Variants in UPRT observed in about 807,000 individuals in gnomAD.
UPRT encodes the protein uracil phosphoribosyltransferase homolog.
Under a neutral mutation model 22.6 loss-of-function variants are expected in UPRT, and 5 were observed. That is an observed-to-expected ratio of 0.22 (90% CI 0.12 to 0.47). UPRT has a LOEUF of 0.47. UPRT is among the 20% of genes least tolerant of loss of function. The pLI is 0.99. For missense variants in UPRT, 181 were observed against 239.9 expected (o/e 0.75, Z 1.62); for synonymous variants, 77 against 87.7 (o/e 0.88, Z 0.68).
chrX:75,255,061 C>T (rs1169513333), intron 4 of UPRT, among the ~76,000 whole-genome samples: 1 of 110,654 alleles, frequency 9.0e-6, no homozygotes, highest in African/African-American at 3.3e-5. Flanking sequence ...AGGCGTGAGC[C>T]ACCGCGCCCG....
intron 4 of UPRT, among the ~76,000 whole-genome samples, chrX:75,244,308 A>G (rs1417928346): frequency 8.9e-6 from 1 of 112,000 alleles, no homozygotes; most frequent in Non-Finnish European, 1.9e-5. Context: ...GTATGGAAAA[A>G]TAATTTTAAG....
chrX:75,301,051 A>T (rs2082742633), intron 6 of UPRT, 86 bp downstream of exon 6: 2 of 613,202 alleles, frequency 3.3e-6, no homozygotes, highest in Admixed American at 7.0e-5. Context: ...ATCCTGAGGA[A>T]AAGTTTATCT....
chrX:75,199,951 G>A (rs929156659), intron 4 of UPRT, among the ~76,000 whole-genome samples: 5 of 111,613 alleles, frequency 4.5e-5, no homozygotes, highest in African/African-American at 1.6e-4. Flanking sequence ...TTAGCTTTTT[G>A]TCATGTTTGT....
chrX:75,190,871 C>A (rs1224513721), intron 4 of UPRT, among the ~76,000 whole-genome samples: 3 of 110,731 alleles, frequency 2.7e-5, no homozygotes, highest in African/African-American at 9.9e-5. Flanking sequence ...TTCTAGTTAT[C>A]CATTTGTCTA....
At position 75,303,393 on chromosome X, in the gene UPRT, G is replaced by T; in HGVS notation, c.824-12G>T. ...AAAACATCCTACCATAATAACTTTT[G>T]TTTTTTTGAAGGTGCCAAATCAATC... On this transcript the variant is annotated splice_polypyrimidine_tract_variant and intron_variant, in intron 6 of 6. Transcript: ENST00000373383. The T allele has an allele frequency of 8.4e-7, 1 of 1,185,375 alleles. No homozygotes were observed. The highest frequency in any genetic ancestry group is 1.1e-6 in the Non-Finnish European group (1 of 878,101).
chrX:75,163,913 C>T (rs1310024492), intron 3 of UPRT, among the ~76,000 whole-genome samples: 1 of 111,260 alleles, frequency 9.0e-6, no homozygotes, highest in Admixed American at 9.6e-5. Context: ...TGCAGTGGTT[C>T]AATCCTGTAA....
intron 4 of UPRT, among the ~76,000 whole-genome samples, chrX:75,260,478 A>T (rs183426081): frequency 8.9e-6 from 1 of 112,666 alleles, no homozygotes; most frequent in Non-Finnish European, 1.9e-5. Flanking sequence ...ACAGACTTTA[A>T]ACCAACAAAG....
At chrX:75,269,272 A>G (rs1174155347), upstream of UPRT, among the ~76,000 whole-genome samples, 1 of 112,194 alleles carries the variant, frequency 8.9e-6, no homozygotes, top group African/African-American at 3.2e-5. Context: ...GAACAAATGG[A>G]AAAACATTCC....
chrX:75,209,155 C>T (rs1246221485), intron 4 of UPRT, among the ~76,000 whole-genome samples: 2 of 110,770 alleles, frequency 1.8e-5, no homozygotes, highest in African/African-American at 6.6e-5. Context: ...GATAGAAGAA[C>T]TAAGAGGGGT....
chrX:75,156,439 T>C (rs1222088196), exon 1 of UPRT: 1 of 556,997 alleles, frequency 1.8e-6, no homozygotes, highest in Middle Eastern at 5.1e-4. Context: ...TTATTTGTTT[T>C]TCCTTAGGGC....
intron 4 of UPRT, among the ~76,000 whole-genome samples, chrX:75,251,618 G>A (rs1011978602): frequency 1.5e-4 from 17 of 111,722 alleles, no homozygotes; most frequent in Admixed American, 1.9e-4. Flanking sequence ...AATGAATGTC[G>A]TGAAAATGGC....
At chrX:75,236,430 C>T (rs906148952) in intron 4 of UPRT, among the ~76,000 whole-genome samples, 3 of 111,327 alleles carry the variant, frequency 2.7e-5, no homozygotes, top group African/African-American at 9.8e-5. Context: ...ACTTTCTTCA[C>T]AGAATTGGAA....
At chrX:75,194,757 T>C (rs2082327949) in intron 4 of UPRT, among the ~76,000 whole-genome samples, 3 of 111,098 alleles carry the variant, frequency 2.7e-5, no homozygotes, top group African/African-American at 9.8e-5. Flanking sequence ...CAAAAGTGTT[T>C]GTGTAGGGCC....
chrX:75,158,207 G>A (rs913191993), intron 1 of UPRT, among the ~76,000 whole-genome samples: 1 of 111,651 alleles, frequency 9.0e-6, no homozygotes, highest in Non-Finnish European at 1.9e-5. Flanking sequence ...GAAATAGAAC[G>A]TGAGGCATAA....
At chrX:75,225,602 T>C (rs892964267) in intron 4 of UPRT, among the ~76,000 whole-genome samples, 1 of 111,906 alleles carries the variant, frequency 8.9e-6, no homozygotes, top group Non-Finnish European at 1.9e-5. Flanking sequence ...TTGATTCATA[T>C]GCCACAGACT....
At chrX:75,251,693 A>G (rs919563144) in intron 4 of UPRT, among the ~76,000 whole-genome samples, 1 of 111,804 alleles carries the variant, frequency 8.9e-6, no homozygotes, top group Admixed American at 9.5e-5. Flanking sequence ...GACTTTCTTC[A>G]CAGAATTGGA....
chrX:75,248,295 A>G (rs761145164), intron 4 of UPRT, among the ~76,000 whole-genome samples: 2 of 111,663 alleles, frequency 1.8e-5, no homozygotes, highest in Non-Finnish European at 3.8e-5. Context: ...AATGGCAAAG[A>G]AGATAAAAAC....
chrX:75,253,023 T>C (rs2082536915), intron 4 of UPRT, among the ~76,000 whole-genome samples: 1 of 110,083 alleles, frequency 9.1e-6, no homozygotes, highest in Non-Finnish European at 1.9e-5. Context: ...AGGGGAACAT[T>C]ACACTGTGGG....
At chrX:75,300,843 C>T in intron 5 of UPRT, 24 bp from the exon 6 acceptor site, 1 of 1,130,691 alleles carries the variant, frequency 8.8e-7, no homozygotes, top group Middle Eastern at 2.5e-4. Flanking sequence ...GTTGCTAATT[C>T]ATTTGGTTAT....
Sources: gnomAD v4.1 joint callset for allele counts (sites outside exome capture counted in the v4.1 genomes callset) on GRCh38, gnomAD v4.1.1 for gene constraint, MANE v1.5 for transcripts, NCBI Gene and HGNC (gene_info 2026-07-23, HGNC 2026-07-21) for gene names.